Variants in RMDN2 observed in about 807,000 individuals in gnomAD.
The protein encoded by RMDN2 is regulator of microtubule dynamics 2.
Under a neutral mutation model 52.8 loss-of-function variants are expected in RMDN2, and 61 were observed. The ratio of observed to expected loss-of-function variants is 1.16; its 90% CI spans 0.94 to 1.43. RMDN2 has a LOEUF of 1.43. RMDN2 is among the 40% of genes most tolerant of loss of function. The pLI, the probability that RMDN2 is intolerant of heterozygous loss-of-function variation, is 0.00. For synonymous variants in RMDN2, 180 were observed against 153.1 expected (o/e 1.18, Z -1.30); for missense variants, 592 against 475.3 (o/e 1.25, Z -2.28).
chr2:37,987,575 T>C (rs186068898), intron 5 of RMDN2, among the ~76,000 whole-genome samples: 8 of 152,274 alleles, frequency 5.3e-5, no homozygotes, highest in Non-Finnish European at 1.2e-4. Context: ...AGGATTTTTA[T>C]AGGAAGTAAA....
At chr2:38,065,052 C>T (rs977183320) in intron 10 of RMDN2, among the ~76,000 whole-genome samples, 11 of 152,286 alleles carry the variant, frequency 7.2e-5, no homozygotes, top group Admixed American at 2.0e-4. Context: ...AGCTGTTCCT[C>T]GCTGCATCAT....
chr2:38,004,760 T>G (rs113281156), intron 10 of RMDN2, among the ~76,000 whole-genome samples: 1 of 151,720 alleles, frequency 6.6e-6, no homozygotes, highest in Non-Finnish European at 1.5e-5. Context: ...TTGTTACATA[T>G]GTATATATGT....
intron 8 of RMDN2, among the ~76,000 whole-genome samples, chr2:38,000,476 G>A (rs1007537646): frequency 1.3e-5 from 2 of 152,198 alleles, no homozygotes; most frequent in African/African-American, 4.8e-5. Context: ...ATCCTAGAGA[G>A]TTTTCTTTGC....
chr2:38,025,406 T>C (rs570205712), intron 10 of RMDN2, among the ~76,000 whole-genome samples: 193 of 152,178 alleles, frequency 1.3e-3, no homozygotes, highest in Non-Finnish European at 2.0e-3. Context: ...TCTACTACTG[T>C]GATTATATCA....
At chr2:37,923,279 A>G (rs1211458039), upstream of RMDN2, 1 of 152,212 alleles carries the variant, frequency 6.6e-6, no homozygotes, top group Non-Finnish European at 1.5e-5. Flanking sequence ...AAACAAATGT[A>G]TTGGAAAGGA....
chr2:38,012,611 C>A (rs201402600), intron 10 of RMDN2: 358 of 467,946 alleles, frequency 7.7e-4, no homozygotes, highest in Non-Finnish European at 1.2e-3. Context: ...AGTGATGTCT[C>A]CATTTGTATT....
intron 2 of RMDN2, among the ~76,000 whole-genome samples, chr2:37,951,026 T>A (rs1668711165): frequency 6.6e-6 from 1 of 152,104 alleles, no homozygotes; most frequent in South Asian, 2.1e-4. Context: ...AGATAACCTC[T>A]TAGACTCCCG....
At chr2:38,001,268 A>T (rs574889063) in intron 8 of RMDN2, among the ~76,000 whole-genome samples, 1 of 152,376 alleles carries the variant, frequency 6.6e-6, no homozygotes, top group Non-Finnish European at 1.5e-5. Context: ...ACCTTCAGGG[A>T]ACTTGGATAG....
At chr2:38,037,656 A>G (rs935689047) in intron 10 of RMDN2, among the ~76,000 whole-genome samples, 1 of 152,208 alleles carries the variant, frequency 6.6e-6, no homozygotes, top group Non-Finnish European at 1.5e-5. Flanking sequence ...TCAGAACCTG[A>G]TGATACTTCC....
downstream of RMDN2, among the ~76,000 whole-genome samples, chr2:38,021,492 C>A (rs1679374961): frequency 6.6e-6 from 1 of 152,172 alleles, no homozygotes; most frequent in Non-Finnish European, 1.5e-5. Context: ...CCGCGAAGGT[C>A]TGCAGCTTCA....
chr2:38,038,167 CT>C (rs1680712399), intron 10 of RMDN2, among the ~76,000 whole-genome samples: 1 of 152,110 alleles, frequency 6.6e-6, no homozygotes, highest in Admixed American at 6.5e-5. Flanking sequence ...CAGCAAAAAT[CT>C]CAAGCCCAGG....
At chr2:37,989,769 T>G (rs1055433346) in intron 6 of RMDN2, among the ~76,000 whole-genome samples, 153 bp downstream of exon 6, 1 of 152,222 alleles carries the variant, frequency 6.6e-6, no homozygotes, top group African/African-American at 2.4e-5. Context: ...TTTGCTTTTT[T>G]GTTTAAATGT....
intron 1 of RMDN2, among the ~76,000 whole-genome samples, chr2:37,927,577 T>G (rs780931997): frequency 6.6e-6 from 1 of 152,192 alleles, no homozygotes; most frequent in Non-Finnish European, 1.5e-5. Context: ...CTATATTTCT[T>G]AATGTAAAAG....
chr2:37,942,739 G>C (rs1015038156), intron 2 of RMDN2, among the ~76,000 whole-genome samples: 1 of 152,152 alleles, frequency 6.6e-6, no homozygotes, highest in Non-Finnish European at 1.5e-5. Flanking sequence ...AAAAAGAAAA[G>C]TCACATTAAC....
At chr2:37,947,968 G>GTA (rs1295508136) in intron 2 of RMDN2, among the ~76,000 whole-genome samples, 2 of 152,126 alleles carry the variant, frequency 1.3e-5, no homozygotes, top group African/African-American at 4.8e-5. Context: ...TTCAGTCCTA[G>GTA]TATTGTTCAC....
intron 10 of RMDN2, chr2:38,029,355 G>A (rs1010666661): frequency 6.6e-6 from 1 of 152,096 alleles, no homozygotes; most frequent in Non-Finnish European, 1.5e-5. Context: ...CCTGGGCCAA[G>A]GGATGGAAGT....
Position 38,015,771 on chromosome 2 carries a change from A to G in RMDN2, c.1180-1415A>G, listed in dbSNP as rs527887653. 1.6e-4 allele frequency among the ~76,000 whole-genome samples: 24 copies of G among 152,312 alleles called. No homozygotes were observed. In the East Asian group the frequency reaches 4.6e-3, roughly 29 times the overall value. ...TCCGTGTAGAATATCTACAGGAAGGAGCGATCTAACAACATGTCAATACTG... is the reference window on the plus strand; with the variant it reads ...TCCGTGTAGAATATCTACAGGAAGGGGCGATCTAACAACATGTCAATACTG... On this transcript the variant is annotated intron_variant, in intron 10 of 10. Transcript: ENST00000354545.
intron 2 of RMDN2, among the ~76,000 whole-genome samples, chr2:37,963,957 C>T (rs971339072): frequency 2.7e-5 from 4 of 150,940 alleles, no homozygotes; most frequent in African/African-American, 9.7e-5. Flanking sequence ...CCCCCACCTC[C>T]CTCCCGGACA....
At chr2:38,067,107 A>C in exon 11 of RMDN2, 2 of 974,766 alleles carry the variant, frequency 2.1e-6, no homozygotes, top group Non-Finnish European at 3.3e-6. Flanking sequence ...TACCAAGTAA[A>C]AAGATTGGCA....
Sources: allele counts gnomAD v4.1 joint callset (sites outside exome capture counted in the v4.1 genomes callset), GRCh38; gene constraint gnomAD v4.1.1; transcripts MANE v1.5; gene names NCBI Gene and HGNC (gene_info 2026-07-23, HGNC 2026-07-21).